Variants in PNKD observed in about 807,000 individuals in gnomAD.
PNKD encodes PNKD metallo-beta-lactamase domain containing.
PNKD carries 36 observed loss-of-function variants against 45.3 expected under a neutral mutation model. The ratio of observed to expected loss-of-function variants is 0.80; its 90% confidence interval spans 0.61 to 1.05. PNKD has a LOEUF of 1.05. PNKD is among the 50% of genes least tolerant of loss of function. The pLI is 0.00. For synonymous variants in PNKD, 197 were observed against 210.1 expected, an observed-to-expected ratio of 0.94 and a Z score of 0.54; for missense variants, 511 against 506.6, an observed-to-expected ratio of 1.01 and a Z score of -0.08.
intron 2 of PNKD, among the ~76,000 whole-genome samples, chr2:218,337,888 C>T (rs1422756271): frequency 6.6e-6 from 1 of 152,176 alleles, no homozygotes; most frequent in Non-Finnish European, 1.5e-5. Context: ...GTGGCTCACC[C>T]CTGTAATCCC....
intron 1 of PNKD, chr2:218,271,153 C>T: frequency 3.4e-6 from 2 of 593,648 alleles, no homozygotes; most frequent in Non-Finnish European, 6.1e-6. Context: ...TTCGTCCTGG[C>T]ACCAGGGTGA....
intron 2 of PNKD, among the ~76,000 whole-genome samples, chr2:218,335,855 C>T (rs560812281): frequency 1.3e-5 from 2 of 152,312 alleles, no homozygotes; most frequent in South Asian, 2.1e-4. Flanking sequence ...GACAAATCAG[C>T]TAGCTCTCCC....
chr2:218,338,176 C>T (rs1319451155), intron 2 of PNKD, among the ~76,000 whole-genome samples: 1 of 151,486 alleles, frequency 6.6e-6, no homozygotes, highest in South Asian at 2.1e-4. Flanking sequence ...AAATTTCAGG[C>T]TTGGCCAGGC....
chr2:218,305,341 C>T (rs759697936), intron 2 of PNKD, among the ~76,000 whole-genome samples: 2 of 151,868 alleles, frequency 1.3e-5, no homozygotes, highest in Non-Finnish European at 2.9e-5. Flanking sequence ...CTTGTTTTTG[C>T]CTGTTAGTTT....
In PNKD at chr2:218,343,494, A is replaced by T; in HGVS notation, c.782-6A>T. On this transcript the variant is annotated splice_polypyrimidine_tract_variant and splice_region_variant and intron_variant, in intron 7 of 9. Coordinates refer to ENST00000273077, the MANE Select transcript of PNKD (RefSeq NM_015488.5). ...CCTTGTGACATACCCTCCAACCCCC[A>T]CCCAGGGCGGACCTTTGAGGGCAAT... 6.2e-7 allele frequency: 1 copy of T among 1,611,406 alleles called. No homozygotes were observed. The highest frequency in any genetic ancestry group is 8.5e-7 in the Non-Finnish European group (1 of 1,178,196).
chr2:218,271,262 C>G (rs1559495842), intron 1 of PNKD, 119 bp from the exon 2 acceptor site: 2 of 874,636 alleles, frequency 2.3e-6, no homozygotes, highest in Non-Finnish European at 2.0e-6. Flanking sequence ...TTACTTCAGA[C>G]TGCAGTCACT....
At chr2:218,303,645 C>T (rs1347877553) in intron 2 of PNKD, among the ~76,000 whole-genome samples, 2 of 144,594 alleles carry the variant, frequency 1.4e-5, no homozygotes, top group African/African-American at 5.1e-5. Flanking sequence ...GGCATGATCT[C>T]GGCTCACTGC....
chr2:218,274,468 C>T (rs1490134170), intron 2 of PNKD: 1 of 154,028 alleles, frequency 6.5e-6, no homozygotes, highest in East Asian at 1.9e-4. Context: ...AGTCACCTTC[C>T]TCTTAGGACC....
At position 218,341,522 on chromosome 2, in the gene PNKD, G is replaced by T; in HGVS notation, c.525-12G>T. 1.3e-6 allele frequency: 2 copies of T among 1,568,568 alleles called. No homozygotes were observed. Among genetic ancestry groups the T allele is most frequent in the South Asian group, 1.2e-5 (1 of 86,542 alleles). ...CCCTCGAAGCCCCCTGCCTGTCTCT[G>T]CTGTCCTGCAGGGACCACAGTGGAG... is the stretch of plus-strand genomic sequence containing the variant. On this transcript the variant is annotated splice_polypyrimidine_tract_variant and intron_variant, in intron 5 of 9. Coordinates refer to ENST00000273077, the MANE Select transcript of PNKD (RefSeq NM_015488.5).
At chr2:218,332,932 T>A (rs1300375562) in intron 2 of PNKD, among the ~76,000 whole-genome samples, 1 of 152,136 alleles carries the variant, frequency 6.6e-6, no homozygotes, top group Non-Finnish European at 1.5e-5. Context: ...CGAGGCCTCC[T>A]GACAATTCCT....
intron 2 of PNKD, among the ~76,000 whole-genome samples, chr2:218,273,622 A>G (rs2106180904): frequency 6.6e-6 from 1 of 150,886 alleles, no homozygotes; most frequent in Non-Finnish European, 1.5e-5. Flanking sequence ...CTGGGATTAC[A>G]GGCACTCACC....
chr2:218,277,777 G>T lies in PNKD; in HGVS notation c.236+6228G>T, dbSNP rs1419909451. 1.0e-5 allele frequency: 16 copies of T among 1,549,824 alleles called. No individual in the cohort carries two copies. In the Middle Eastern group the frequency reaches 1.0e-3, roughly 97 times the overall value. On this transcript the variant is annotated intron_variant, in intron 2 of 9. Coordinates refer to ENST00000273077, the MANE Select transcript of PNKD (RefSeq NM_015488.5). ...TGCCAGAGCTGGGGAACGCCACCAA[G>T]TTGGAAAGAGGCAGCCACAGAGGAG...
At chr2:218,276,646 C>T (rs1312078921) in intron 2 of PNKD, among the ~76,000 whole-genome samples, 3 of 152,154 alleles carry the variant, frequency 2.0e-5, no homozygotes, top group South Asian at 2.1e-4. Flanking sequence ...CAGAGACCCC[C>T]GCAAGGTCCC....
At chr2:218,273,381 C>A (rs1347372516) in intron 2 of PNKD, among the ~76,000 whole-genome samples, 2 of 152,048 alleles carry the variant, frequency 1.3e-5, no homozygotes, top group Non-Finnish European at 2.9e-5. Context: ...AAGTGATCCT[C>A]CTACCTCAGC....
At chr2:218,296,140 G>A (rs1170032274) in intron 2 of PNKD, among the ~76,000 whole-genome samples, 2 of 152,114 alleles carry the variant, frequency 1.3e-5, no homozygotes, top group African/African-American at 2.4e-5. Context: ...GAGCCGCTGC[G>A]CCCGGCCAAA....
intron 2 of PNKD, chr2:218,272,463 G>A: frequency 1.0e-6 from 1 of 982,676 alleles, no homozygotes. Context: ...GACTATAAGA[G>A]GTATTGCAGC....
intron 2 of PNKD, among the ~76,000 whole-genome samples, chr2:218,309,416 C>CAAAAAAAAAAA (rs10553302): frequency 1.8e-5 from 1 of 54,466 alleles, no homozygotes; most frequent in Non-Finnish European, 3.2e-5. Context: ...GACTCCGCCT[C>CAAAAAAAAAAA]AAAAAAAAAA....
chr2:218,314,740 A>G (rs898052747), intron 2 of PNKD, among the ~76,000 whole-genome samples: 2 of 151,146 alleles, frequency 1.3e-5, no homozygotes, highest in African/African-American at 4.9e-5. Context: ...CCCAGGCTGG[A>G]GTGCAATGGG....
chr2:218,298,114 G>A (rs13412573), intron 2 of PNKD, among the ~76,000 whole-genome samples: 13,186 of 152,176 alleles, frequency 0.087, 1,895 homozygotes, highest in African/African-American at 0.3. Flanking sequence ...GGCACATGGC[G>A]GATGTTGATG....
Sources: gnomAD v4.1 joint callset for allele counts (sites outside exome capture counted in the v4.1 genomes callset) on GRCh38, gnomAD v4.1.1 for gene constraint, MANE v1.5 for transcripts, NCBI Gene and HGNC (gene_info 2026-07-23, HGNC 2026-07-21) for gene names.